The following CA3 variants were observed in gnomAD, a reference collection of about 807,000 sequenced individuals.
The protein encoded by CA3 is carbonic anhydrase 3, also known as CA-III.
A neutral mutation model predicts 35.7 loss-of-function variants in CA3; 30 were observed. The observed-to-expected ratio is 0.84, with a 90% CI of 0.63 to 1.14. CA3 has a LOEUF of 1.14. Ranked by LOEUF, CA3 falls within the 50% of genes most tolerant of loss-of-function variation. The pLI is 0.00. For synonymous variants in CA3, 131 were observed against 130.8 expected, an observed-to-expected ratio of 1.00 and a Z score of -0.01; for missense variants, 295 against 328.5, an observed-to-expected ratio of 0.90 and a Z score of 0.79.
chr8:85,445,253 AGCAGATTAT>A, intron 5 of CA3, 35 bp downstream of exon 5: 1 of 1,354,820 alleles, frequency 7.4e-7, no homozygotes, highest in Non-Finnish European at 1.0e-6. Flanking sequence ...TAAAACATAA[AGCAGATTAT>A]GCAGATTTTC....
chr8:85,446,415 T>C (rs1298369287), intron 6 of CA3, 118 bp downstream of exon 6: 2 of 1,171,744 alleles, frequency 1.7e-6, no homozygotes, highest in Non-Finnish European at 2.3e-6. Context: ...CTATGGCCAG[T>C]AATTTCATGG....
At chr8:85,447,980 G>A (rs1171194812) in intron 6 of CA3, 54 bp from the exon 7 acceptor site, 1 of 1,557,740 alleles carries the variant, frequency 6.4e-7, no homozygotes, top group African/African-American at 1.4e-5. Flanking sequence ...TTGTCACGTA[G>A]TGTGTCCAGT....
intron 5 of CA3, 137 bp from the exon 6 acceptor site, chr8:85,446,005 G>C: frequency 1.3e-6 from 1 of 793,638 alleles, no homozygotes; most frequent in Non-Finnish European, 2.0e-6. Flanking sequence ...TTTCTGAAAG[G>C]CTTATACTTT....
chr8:85,439,836 TGGCTCTGCCAA>T lies in CA3; in HGVS notation c.161_171del (p.Gly54AspfsTer5). ...AGCCATGGTCTGTGTCTTATGATGG[TGGCTCTGCCAA>T]GACCATCCTGAATAATGGGAAGACC... On this transcript the variant is annotated frameshift_variant, in exon 2 of 7. Transcript: ENST00000285381. LOFTEE classifies it high-confidence loss of function. 6.2e-7 allele frequency: 1 copy of T among 1,614,076 alleles called. No homozygotes were observed. The highest frequency in any genetic ancestry group is 8.5e-7 in the Non-Finnish European group (1 of 1,180,006).
intron 3 of CA3, among the ~76,000 whole-genome samples, chr8:85,443,528 G>A (rs918175844): frequency 6.6e-6 from 1 of 152,164 alleles, no homozygotes; most frequent in Non-Finnish European, 1.5e-5. Context: ...CCAATCTAGA[G>A]AGCCATGGCA....
At chr8:85,444,674 C>T (rs913930825) in intron 4 of CA3, among the ~76,000 whole-genome samples, 1 of 152,182 alleles carries the variant, frequency 6.6e-6, no homozygotes, top group Non-Finnish European at 1.5e-5. Flanking sequence ...TTAGTGGTAA[C>T]ATAATCTAGA....
chr8:85,445,318 G>A (rs1478608022), intron 5 of CA3, 100 bp downstream of exon 5: 1 of 704,282 alleles, frequency 1.4e-6, no homozygotes, highest in African/African-American at 1.8e-5. Context: ...CTGTTACTAA[G>A]TTTGATGGAT....
Position 85,446,126 on chromosome 8 carries a change from A to G in CA3, c.508-16A>G, listed in dbSNP as rs1199155467. 5 of 1,592,634 alleles carry G rather than the reference A, an allele frequency of 3.1e-6. No homozygotes were observed. The highest frequency in any genetic ancestry group is 1.1e-5 in the South Asian group (1 of 88,160). On this transcript the variant is annotated splice_polypyrimidine_tract_variant and intron_variant, in intron 5 of 6. Transcript: ENST00000285381. ...CATGCATGCACTCACTGCACCTGCA[A>G]CCTGCTCTTACCCAGGGCAAGGAGG...
In CA3 at chr8:85,448,673, T is replaced by TTA. The variant is rs1378995314; in HGVS notation, c.*521_*522dup. On this transcript the variant is annotated 3_prime_UTR_variant, in exon 7 of 7. Coordinates refer to ENST00000285381, the MANE Select transcript of CA3 (RefSeq NM_005181.4). ...TTGAGCTAATAATATGTTTTAACTCTTAACACCAGCAAGAAGTCAGTCATT... is the reference window on the plus strand; with the variant it reads ...TTGAGCTAATAATATGTTTTAACTCTTATAACACCAGCAAGAAGTCAGTCATT... The TTA allele has an allele frequency of 1.3e-5, 2 of 152,238 alleles. No individual in the cohort carries two copies. The highest frequency in any genetic ancestry group is 2.4e-5 in the African/African-American group (1 of 41,472). 9.4% of individuals were successfully genotyped at this position (152,238 alleles called of 1,614,324 possible). A position where few individuals can be genotyped will look rare whatever the true frequency, so the allele number is the denominator to read the frequency against.
At position 85,448,186 on chromosome 8, in the gene CA3, A is replaced by T. The variant is rs754358595; in HGVS notation, c.*33A>T. The T allele has an allele frequency of 6.3e-7, 1 of 1,598,662 alleles. No homozygotes were observed. Among genetic ancestry groups the T allele is most frequent in the Admixed American group, 1.7e-5 (1 of 58,324 alleles). On this transcript the variant is annotated 3_prime_UTR_variant, in exon 7 of 7. Coordinates refer to ENST00000285381, the MANE Select transcript of CA3 (RefSeq NM_005181.4). ...GGATCTTGCCCTCTTCAGGAAAGGAAACCTACCATTGGAGAGCTTGGTTCC... is the reference window on the plus strand; with the variant it reads ...GGATCTTGCCCTCTTCAGGAAAGGATACCTACCATTGGAGAGCTTGGTTCC...
At position 85,444,513 on chromosome 8, in the gene CA3, G is replaced by C. The variant is rs191559619; in HGVS notation, c.444+387G>C. ...TGGAAACCAGAAAAGTCAGTGTTGG[G>C]AACCATATGATTCCAAGTCCCTGGC... On this transcript the variant is annotated intron_variant, in intron 4 of 6. Coordinates refer to ENST00000285381, the MANE Select transcript of CA3 (RefSeq NM_005181.4). Among the ~76,000 whole-genome samples, 22 of 152,250 alleles carry C rather than the reference G, an allele frequency of 1.4e-4. No individual in the cohort carries two copies. The East Asian group carries it at 3.9e-3, about 27-fold the overall frequency.
In CA3 at chr8:85,448,191, A is replaced by G. The variant is rs1023788490; in HGVS notation, c.*38A>G. 5 of 1,591,538 alleles carry G rather than the reference A, an allele frequency of 3.1e-6. No homozygotes were observed. In the Admixed American group the frequency reaches 5.2e-5, roughly 17 times the overall value. ...TTGCCCTCTTCAGGAAAGGAAACCT[A>G]CCATTGGAGAGCTTGGTTCCTTGCC... is the stretch of plus-strand genomic sequence containing the variant. On this transcript the variant is annotated 3_prime_UTR_variant, in exon 7 of 7. Transcript: ENST00000285381.
In CA3 at chr8:85,446,184, T is replaced by C. The variant is rs2130509354; in HGVS notation, c.550T>C (p.Phe184Leu). ...PFTKFDPSCL[F>L]PACRDYWTYQ... is the part of the protein sequence containing the mutation. ...CACAAAGTTTGACCCATCCTGCCTG[T>C]TCCCGGCATGCCGGGACTACTGGAC... The change falls in exon 6 of 7, where the codon TTC becomes CTC. Residue 184 changes from phenylalanine to leucine, a missense_variant. Physicochemically the swap from Phe to Leu is conservative, Grantham distance 22. Transcript: ENST00000285381. 1 of 1,613,480 alleles carries C rather than the reference T, an allele frequency of 6.2e-7. No homozygotes were observed. The highest frequency in any genetic ancestry group is 1.1e-5 in the South Asian group (1 of 90,948).
chr8:85,440,968 T>C (rs1479852250), intron 2 of CA3, among the ~76,000 whole-genome samples: 2 of 152,196 alleles, frequency 1.3e-5, no homozygotes, highest in African/African-American at 4.8e-5. Context: ...TGTGCAAAAA[T>C]AGTTGAATAT....
rs890764779 is a variant in CA3 at position 85,446,171 on chromosome 8, C to T, written c.537C>T (p.Asp179=). 6.2e-7 allele frequency: 1 copy of T among 1,612,592 alleles called. No homozygotes were observed. Among genetic ancestry groups the T allele is most frequent in the Non-Finnish European group, 8.5e-7 (1 of 1,179,172 alleles). Residue 179 remains aspartate (D), a synonymous_variant, in exon 6 of 7, where the codon GAC becomes GAT. Transcript: ENST00000285381. ...AGGAGGCGCCCTTCACAAAGTTTGA[C>T]CCATCCTGCCTGTTCCCGGCATGCC... The part of the protein sequence containing the change: ...KGKEAPFTKF[D]PSCLFPACRD...
rs1802571538 is a variant in CA3, at chr8:85,438,869, G to T, written c.-41G>T. On this transcript the variant is annotated 5_prime_UTR_variant, in exon 1 of 7. Coordinates refer to ENST00000285381, the MANE Select transcript of CA3 (RefSeq NM_005181.4). ...CGCGGCGACTCTGCACCACGCAGGG[G>T]AAGAGAAAGCAGGAGCCGTCCAGCA... is the stretch of plus-strand genomic sequence containing the variant. 3.2e-6 allele frequency: 5 copies of T among 1,550,242 alleles called. No homozygotes were observed. The highest frequency in any genetic ancestry group is 4.4e-6 in the Non-Finnish European group (5 of 1,146,682).
intron 3 of CA3, among the ~76,000 whole-genome samples, chr8:85,443,208 G>A (rs1256263368): frequency 6.6e-6 from 1 of 152,104 alleles, no homozygotes; most frequent in Non-Finnish European, 1.5e-5. Context: ...ACTCATTAAA[G>A]AAAAACATGA....
chr8:85,440,009 G>C, intron 2 of CA3, 100 bp downstream of exon 2: 1 of 818,844 alleles, frequency 1.2e-6, no homozygotes, highest in Non-Finnish European at 2.0e-6. Context: ...GGGAGAGGGA[G>C]CACTTTATCT....
At chr8:85,447,513 G>GA (rs1811308500) in intron 6 of CA3, among the ~76,000 whole-genome samples, 1 of 152,190 alleles carries the variant, frequency 6.6e-6, no homozygotes, top group Non-Finnish European at 1.5e-5. Flanking sequence ...TACAAATAAA[G>GA]AAAAAATGTG....
Sources: allele counts gnomAD v4.1 joint callset (sites outside exome capture counted in the v4.1 genomes callset), GRCh38; gene constraint gnomAD v4.1.1; transcripts MANE v1.5; gene names NCBI Gene and HGNC (gene_info 2026-07-23, HGNC 2026-07-21).